Variants in COL4A5 observed in about 807,000 individuals in gnomAD.
COL4A5 encodes collagen alpha-5(IV) chain.
COL4A5 carries 26 observed loss-of-function variants against 130.2 expected under a neutral mutation model. The ratio of observed to expected loss-of-function variants is 0.20; its 90% CI spans 0.15 to 0.28. The LOEUF (loss-of-function observed/expected upper bound fraction) is 0.28. Ranked by LOEUF, COL4A5 falls within the 10% of genes least tolerant of loss-of-function variation. The pLI is 1.00. For synonymous variants in COL4A5, 496 were observed against 439.6 expected, an observed-to-expected ratio of 1.13 and a Z score of -1.60; for missense variants, 1,131 against 1,344.3, an observed-to-expected ratio of 0.84 and a Z score of 2.48.
intron 24 of COL4A5, among the ~76,000 whole-genome samples, chrX:108,597,950 C>G (rs1035460886): frequency 8.2e-5 from 9 of 110,333 alleles, no homozygotes; most frequent in African/African-American, 3.0e-4. Flanking sequence ...CAGCACTTTG[C>G]GAGGCTGAGG....
intron 52 of COL4A5, 87 bp from the exon 53 acceptor site, chrX:108,696,210 A>C: frequency 1.3e-6 from 1 of 790,103 alleles, no homozygotes; most frequent in Non-Finnish European, 2.0e-6. Flanking sequence ...TTAACACACA[A>C]AAAATGTTTA....
chrX:108,646,911 G>T (rs2067603180), intron 36 of COL4A5, among the ~76,000 whole-genome samples: 1 of 109,100 alleles, frequency 9.2e-6, no homozygotes, highest in Admixed American at 9.7e-5. Context: ...CATTATTTCT[G>T]AGGGCTCTGT....
intron 16 of COL4A5, 58 bp downstream of exon 16, chrX:108,581,085 A>G: frequency 1.9e-6 from 2 of 1,030,916 alleles, no homozygotes; most frequent in Non-Finnish European, 2.7e-6. Flanking sequence ...TGTTGGTATA[A>G]CATAAGGTGG....
At chrX:108,537,075 T>C (rs1296478879) in intron 1 of COL4A5, among the ~76,000 whole-genome samples, 1 of 111,632 alleles carries the variant, frequency 9.0e-6, no homozygotes, top group East Asian at 2.8e-4. Context: ...GTACAACTCA[T>C]AGAACTATTA....
chrX:108,601,410 G>A lies in COL4A5; in HGVS notation c.1966G>A (p.Gly656Ser), dbSNP rs778611412. ...GCTTTCAGGTCCTAAAGGGGATCCA[G>A]GTCAGACTATAACCCAGCCGGGGAA... ...PGIPGPKGDP[G>S]QTITQPGKPG... Residue 656 changes from glycine (G) to serine (S), a missense_variant, in exon 26 of 53, where the codon GGT (glycine) becomes AGT (serine). Gly to Ser is a moderately conservative substitution (Grantham distance 56). Transcript: ENST00000328300. 10 of 1,207,484 alleles carry A rather than the reference G, an allele frequency of 8.3e-6. No homozygotes were observed. The East Asian group carries it at 2.1e-4, about 25-fold the overall frequency.
intron 36 of COL4A5, among the ~76,000 whole-genome samples, chrX:108,653,012 CCA>C (rs1288042011): frequency 1.8e-5 from 2 of 111,485 alleles, no homozygotes; most frequent in Non-Finnish European, 3.8e-5. Flanking sequence ...TGATTTGTGT[CCA>C]GTTTGTAGAT....
At chrX:108,575,884 C>T (rs750351552) in intron 9 of COL4A5, 26 bp from the exon 10 acceptor site, 1 of 1,079,807 alleles carries the variant, frequency 9.3e-7, no homozygotes, top group Non-Finnish European at 1.3e-6. Context: ...TTTTTTTCAT[C>T]ATTTTCTTTA....
chrX:108,576,051 C>A, intron 10 of COL4A5, 79 bp downstream of exon 10: 1 of 623,275 alleles, frequency 1.6e-6, no homozygotes, highest in South Asian at 2.6e-5. Context: ...ATTTATAATA[C>A]TTGAAAACAT....
chrX:108,565,364 A>C (rs768196871), intron 4 of COL4A5, among the ~76,000 whole-genome samples: 1 of 112,106 alleles, frequency 8.9e-6, no homozygotes, highest in South Asian at 3.8e-4. Context: ...TCAAAAATGA[A>C]CAACATTTTG....
chrX:108,548,014 T>C (rs1481601074), intron 2 of COL4A5, among the ~76,000 whole-genome samples: 1 of 111,748 alleles, frequency 8.9e-6, no homozygotes. Context: ...TGTCCCCTCT[T>C]CCCTTGGCTA....
At chrX:108,529,533 G>A (rs1225386627) in intron 1 of COL4A5, among the ~76,000 whole-genome samples, 4 of 111,133 alleles carry the variant, frequency 3.6e-5, no homozygotes, top group Non-Finnish European at 5.7e-5. Context: ...CAAAATTACA[G>A]AAACAGAGCT....
In COL4A5 at chrX:108,598,786, C is replaced by T. The variant is rs768284614; in HGVS notation, c.1864C>T (p.Pro622Ser). 35 of 1,210,236 alleles carry T rather than the reference C, an allele frequency of 2.9e-5. No individual in the cohort carries two copies. The highest frequency in any genetic ancestry group is 3.7e-5 in the Non-Finnish European group (33 of 894,237). Residue 622 changes from proline to serine, a missense_variant, in exon 25 of 53, where the codon CCC becomes TCC. Transcript: ENST00000328300. ...CCCAGGGAATATAGGGCCTATGGGT[C>T]CCCCTGGTTTCGGCCCTCCAGGCCC... ...GLPGNIGPMG[P>S]PGFGPPGPVG...
At chrX:108,499,646 C>T (rs979155185) in intron 1 of COL4A5, among the ~76,000 whole-genome samples, 2 of 111,169 alleles carry the variant, frequency 1.8e-5, no homozygotes, top group African/African-American at 6.5e-5. Context: ...ATTTAATTAA[C>T]GTTTTATCAT....
At chrX:108,573,506 T>C in intron 8 of COL4A5, 68 bp from the exon 9 acceptor site, 1 of 718,098 alleles carries the variant, frequency 1.4e-6, no homozygotes, top group Non-Finnish European at 2.2e-6. Context: ...TCAGATCATT[T>C]TTCTGGTTTT....
chrX:108,692,716 T>C (rs2068655760), intron 49 of COL4A5, 32 bp from the exon 50 acceptor site: 10 of 1,194,840 alleles, frequency 8.4e-6, no homozygotes, highest in Non-Finnish European at 1.1e-5. Context: ...TATCACGCAG[T>C]CCTTTACTGT....
In COL4A5 at chrX:108,624,239, T is replaced by C. The variant is rs1159917370; in HGVS notation, c.2921T>C (p.Ile974Thr). 4 of 1,203,398 alleles carry C rather than the reference T, an allele frequency of 3.3e-6. No homozygotes were observed. Among genetic ancestry groups the C allele is most frequent in the Non-Finnish European group, 4.5e-6 (4 of 889,214 alleles). The change falls in exon 34 of 53, where the codon ATA (isoleucine) becomes ACA (threonine). Residue 974 changes from isoleucine to threonine, a missense_variant. Physicochemically the swap from Ile to Thr is moderately conservative, Grantham distance 89. Coordinates refer to ENST00000328300, the MANE Select transcript of COL4A5 (RefSeq NM_033380.3). ...CTCTTCTACTCATTCTTGGAAGGTATACCTGGAGTTTCAGGGCCAAAAGGT... is the reference window on the plus strand; with the variant it reads ...CTCTTCTACTCATTCTTGGAAGGTACACCTGGAGTTTCAGGGCCAAAAGGT... Reference protein sequence around the residue: ...GEKGEPGLPGIPGVSGPKGYQ... With the variant: ...GEKGEPGLPGTPGVSGPKGYQ...
rs779066918 is a variant in COL4A5, at chrX:108,609,593, C to G, written c.2395+2701C>G. Among the ~76,000 whole-genome samples, 192 of 111,591 alleles carry G rather than the reference C, an allele frequency of 1.7e-3. 1 individual carries two copies. Among genetic ancestry groups the G allele is most frequent in the Middle Eastern group, 4.6e-3 (1 of 217 alleles). ...AAAAGTTTTAATTTTATTGAAGTTT[C>G]ATTTATCAATTTTTTCTTATATGAT... On this transcript the variant is annotated intron_variant, in intron 29 of 52. Transcript: ENST00000328300.
chrX:108,587,296 T>TCATTCTA (rs2066352357), intron 19 of COL4A5, among the ~76,000 whole-genome samples: 1 of 110,629 alleles, frequency 9.0e-6, no homozygotes, highest in Non-Finnish European at 1.9e-5. Context: ...CTGGTAACCA[T>TCATTCTA]CATTCTACTC....
chrX:108,635,322 G>T (rs2067333859), intron 36 of COL4A5, among the ~76,000 whole-genome samples: 1 of 111,612 alleles, frequency 9.0e-6, no homozygotes, highest in Non-Finnish European at 1.9e-5. Flanking sequence ...GAAACACTTT[G>T]TAAATTATAA....
Sources: gnomAD v4.1 joint callset for allele counts (sites outside exome capture counted in the v4.1 genomes callset) on GRCh38, gnomAD v4.1.1 for gene constraint, MANE v1.5 for transcripts, NCBI Gene and HGNC (gene_info 2026-07-23, HGNC 2026-07-21) for gene names.